Variants in DYNLRB1 observed in about 807,000 individuals in gnomAD.
DYNLRB1 encodes ROBL/LC7-like 1.
Under a neutral mutation model 13.5 loss-of-function variants are expected in DYNLRB1, and 6 were observed. The ratio of observed to expected loss-of-function variants is 0.44; its 90% CI spans 0.24 to 0.88. DYNLRB1 has a LOEUF of 0.88. Among genes scored for constraint, DYNLRB1 ranks in the 40% least tolerant of loss-of-function variants. DYNLRB1 has a pLI of 0.21. For missense variants in DYNLRB1, 93 were observed against 127.2 expected (o/e 0.73, Z 1.29); for synonymous variants, 43 against 45.0 (o/e 0.96, Z 0.18).
chr20:34,523,232 C>A (rs1179528502), intron 1 of DYNLRB1, among the ~76,000 whole-genome samples: 4 of 152,170 alleles, frequency 2.6e-5, no homozygotes, highest in Non-Finnish European at 5.9e-5. Flanking sequence ...CCGAGAGCAG[C>A]ACCTGGCAGG....
In DYNLRB1 at chr20:34,528,812, A is replaced by C. The variant is rs980361181; in HGVS notation, c.79+2469A>C. Among the ~76,000 whole-genome samples, 152 of 151,828 alleles carry C rather than the reference A, an allele frequency of 1.0e-3. 1 individual carries two copies. Among genetic ancestry groups the C allele is most frequent in the African/African-American group, 3.2e-3 (132 of 41,480 alleles). On this transcript the variant is annotated intron_variant, in intron 2 of 3. Coordinates refer to ENST00000357156, the MANE Select transcript of DYNLRB1 (RefSeq NM_014183.4). ...GTAGTGAGACCCCGAACTCCACACA[A>C]AAAAAAGAAAAATTAGGCAGGTGTG...
intron 1 of DYNLRB1, among the ~76,000 whole-genome samples, chr20:34,525,432 G>A (rs1274825497): frequency 6.6e-6 from 1 of 152,148 alleles, no homozygotes; most frequent in Non-Finnish European, 1.5e-5. Flanking sequence ...TCCCAGAGAG[G>A]CACACCCAGG....
intron 3 of DYNLRB1, chr20:34,536,476 G>T (rs1161787753): frequency 2.0e-6 from 2 of 985,442 alleles, no homozygotes; most frequent in East Asian, 2.3e-4. Context: ...ATGGAGCGCA[G>T]TGGCTCACGC....
At chr20:34,520,571 T>C (rs1054184032) in intron 1 of DYNLRB1, among the ~76,000 whole-genome samples, 1 of 152,078 alleles carries the variant, frequency 6.6e-6, no homozygotes, top group African/African-American at 2.4e-5. Context: ...CTCAGCCTCC[T>C]GAGTAGCTGG....
At position 34,537,205 on chromosome 20, in the gene DYNLRB1, T is replaced by A. The variant is rs372439365; in HGVS notation, c.247+2410T>A. Among the ~76,000 whole-genome samples, 7 of 152,242 alleles carry A rather than the reference T, an allele frequency of 4.6e-5. No individual in the cohort carries two copies. The South Asian group carries it at 1.5e-3, about 32-fold the overall frequency. On this transcript the variant is annotated intron_variant, in intron 3 of 3. Transcript: ENST00000357156. ...TGCAGGGGGCGCCCGTGCTCTCAAG[T>A]CACACTGTCTCTCTCCCACACACAT...
chr20:34,522,034 A>C (rs1285854883), intron 1 of DYNLRB1, among the ~76,000 whole-genome samples: 1 of 144,324 alleles, frequency 6.9e-6, no homozygotes, highest in African/African-American at 2.5e-5. Flanking sequence ...ACCCTATCTC[A>C]AAAAAAAAAA....
chr20:34,520,368 A>G (rs147001007), intron 1 of DYNLRB1, among the ~76,000 whole-genome samples: 124 of 152,302 alleles, frequency 8.1e-4, no homozygotes, highest in African/African-American at 2.7e-3. Flanking sequence ...CTTAGTGACT[A>G]CATAATACTC....
chr20:34,538,106 T>C (rs1286149653), intron 3 of DYNLRB1, among the ~76,000 whole-genome samples: 1 of 139,956 alleles, frequency 7.1e-6, no homozygotes, highest in Admixed American at 7.5e-5. Flanking sequence ...ACCACAGGCA[T>C]GTGTCGCCAC....
chr20:34,524,962 T>G (rs566464821), intron 1 of DYNLRB1, among the ~76,000 whole-genome samples: 1 of 152,294 alleles, frequency 6.6e-6, no homozygotes, highest in Middle Eastern at 3.4e-3. Context: ...CCTGACCTCA[T>G]GATCCGCCCA....
Position 34,526,351 on chromosome 20 carries a change from C to A in DYNLRB1, c.79+8C>A, listed in dbSNP as rs1980210571. 3 of 1,613,260 alleles carry A rather than the reference C, an allele frequency of 1.9e-6. No homozygotes were observed. Among genetic ancestry groups the A allele is most frequent in the Non-Finnish European group, 2.5e-6 (3 of 1,179,706 alleles). On this transcript the variant is annotated splice_region_variant and intron_variant, in intron 2 of 3. Coordinates refer to ENST00000357156, the MANE Select transcript of DYNLRB1 (RefSeq NM_014183.4). ...TCGTCGTGAACACAGAAGGTACGCCCTCCCTCCCGCCATGACCCGCACCCA... is the reference window on the plus strand; with the variant it reads ...TCGTCGTGAACACAGAAGGTACGCCATCCCTCCCGCCATGACCCGCACCCA...
At chr20:34,535,904 G>C (rs1020350553) in intron 3 of DYNLRB1, 1 of 985,342 alleles carries the variant, frequency 1.0e-6, no homozygotes, top group Non-Finnish European at 1.2e-6. Flanking sequence ...GAATGCTCTG[G>C]ACTGGCAACA....
intron 1 of DYNLRB1, among the ~76,000 whole-genome samples, chr20:34,519,495 C>T (rs1231107288): frequency 6.6e-6 from 1 of 152,132 alleles, no homozygotes; most frequent in Non-Finnish European, 1.5e-5. Context: ...GCACTCCACC[C>T]TGGGTGAGAA....
Position 34,526,165 on chromosome 20 carries a change from T to C in DYNLRB1, c.4-103T>C, listed in dbSNP as rs1329500864. On this transcript the variant is annotated intron_variant, in intron 1 of 3. Coordinates refer to ENST00000357156, the MANE Select transcript of DYNLRB1 (RefSeq NM_014183.4). ...GGTGTGCCAGGTGCCTGAGTATTAC[T>C]TGTTTGTTGTTGGAAGACAAACGTA... The C allele has an allele frequency of 3.9e-6, 5 of 1,287,062 alleles. No individual in the cohort carries two copies. In the Admixed American group the frequency reaches 7.4e-5, roughly 19 times the overall value. 79.7% of individuals were successfully genotyped at this position (1,287,062 alleles called of 1,614,324 possible).
At chr20:34,527,092 G>A (rs1247609544) in intron 2 of DYNLRB1, among the ~76,000 whole-genome samples, 1 of 152,190 alleles carries the variant, frequency 6.6e-6, no homozygotes, top group East Asian at 1.9e-4. Flanking sequence ...CAGCCCTGTC[G>A]TCTGCATTTT....
intron 2 of DYNLRB1, chr20:34,530,091 A>G (rs1980595351): frequency 3.2e-6 from 4 of 1,236,928 alleles, no homozygotes; most frequent in Non-Finnish European, 1.0e-6. Context: ...CAAGGAGACA[A>G]CCCCAGGGGC....
chr20:34,535,573 C>T (rs2146649866), intron 3 of DYNLRB1: 1 of 918,142 alleles, frequency 1.1e-6, no homozygotes. Context: ...ACTGGGGTGG[C>T]AGGCAGAGCC....
chr20:34,528,979 T>C (rs1341177212), intron 2 of DYNLRB1, among the ~76,000 whole-genome samples: 1 of 151,396 alleles, frequency 6.6e-6, no homozygotes, highest in East Asian at 1.9e-4. Context: ...AGACCTTGTC[T>C]CTTTAAAAAA....
intron 3 of DYNLRB1, among the ~76,000 whole-genome samples, chr20:34,539,745 G>A (rs887226788): frequency 6.6e-6 from 1 of 152,096 alleles, no homozygotes; most frequent in African/African-American, 2.4e-5. Flanking sequence ...GACCTCAAGT[G>A]ATCTGCCCAC....
At chr20:34,516,090 T>G (rs1406935980), upstream of DYNLRB1, among the ~76,000 whole-genome samples, 1 of 152,158 alleles carries the variant, frequency 6.6e-6, no homozygotes. Context: ...AGAAGGGGTC[T>G]CTCCATGTTG....
Sources: gnomAD v4.1 joint callset for allele counts (sites outside exome capture counted in the v4.1 genomes callset) on GRCh38, gnomAD v4.1.1 for gene constraint, MANE v1.5 for transcripts, NCBI Gene and HGNC (gene_info 2026-07-23, HGNC 2026-07-21) for gene names.